The following RELCH variants were observed in gnomAD, a reference collection of about 807,000 sequenced individuals.
RELCH encodes RAB11 binding and LisH domain, coiled-coil and HEAT repeat containing, also known as RAB11-binding protein RELCH.
In RELCH, 41 loss-of-function variants were observed where a neutral mutation model predicts 150.3. The ratio of observed to expected loss-of-function variants is 0.27; its 90% CI spans 0.21 to 0.35. RELCH has a LOEUF of 0.35. Among genes scored for constraint, RELCH ranks in the 10% least tolerant of loss-of-function variants. The pLI is 1.00. For synonymous variants in RELCH, 478 were observed against 531.8 expected (o/e 0.90, Z 1.39); for missense variants, 1,092 against 1,467.8 (o/e 0.74, Z 4.18).
At chr18:62,245,186 T>G (rs928272620) in intron 11 of RELCH, among the ~76,000 whole-genome samples, 5 of 152,242 alleles carry the variant, frequency 3.3e-5, no homozygotes, top group African/African-American at 1.2e-4. Context: ...ATTTACCTTA[T>G]GCATAATAAA....
chr18:62,220,741 C>T (rs529476419), intron 2 of RELCH: 2 of 340,836 alleles, frequency 5.9e-6, no homozygotes, highest in South Asian at 6.7e-5. Context: ...TTTTATTTAT[C>T]TAAATGAGAG....
chr18:62,269,365 A>ATGCTTAGG (rs1338762938), intron 20 of RELCH: 1 of 415,748 alleles, frequency 2.4e-6, no homozygotes, highest in Non-Finnish European at 4.7e-6. Context: ...CTTATCTCAA[A>ATGCTTAGG]TGCTTAGGAT....
rs567809350 is a variant in RELCH at position 62,306,115 on chromosome 18, A to T, written c.*581A>T. Reference sequence around the variant, plus strand: ...TTCTTTAGGATGCTGTGATGATTTGAATTACAAATCCTACAGTCAATAGCT... The same window carrying T: ...TTCTTTAGGATGCTGTGATGATTTGTATTACAAATCCTACAGTCAATAGCT... On this transcript the variant is annotated 3_prime_UTR_variant, in exon 29 of 29. Coordinates refer to ENST00000644646, the MANE Select transcript of RELCH (RefSeq NM_001346231.2). 6.5e-6 allele frequency: 1 copy of T among 152,714 alleles called. No individual in the cohort carries two copies. Among genetic ancestry groups the T allele is most frequent in the East Asian group, 1.9e-4 (1 of 5,186 alleles). 9.5% of individuals were successfully genotyped at this position (152,714 alleles called of 1,614,324 possible).
intron 5 of RELCH, among the ~76,000 whole-genome samples, chr18:62,223,406 G>T (rs72947284): frequency 0.16 from 24,703 of 151,892 alleles, 2,693 homozygotes; most frequent in Middle Eastern, 0.28. Flanking sequence ...TAGATTATTT[G>T]AAGGGCTTTA....
At chr18:62,294,681 TAGTC>T (rs1221724226) in intron 27 of RELCH, among the ~76,000 whole-genome samples, 8 of 152,258 alleles carry the variant, frequency 5.3e-5, no homozygotes, top group African/African-American at 1.2e-4. Flanking sequence ...AATTTTTTAA[TAGTC>T]AGATTTATTG....
rs1264315379 is a variant in RELCH, at chr18:62,227,681, A to T, written c.1146A>T (p.Arg382Ser). ...GGTCATTGATGGAGCAAATCAGAAG[A>T]CTTAAAAGGTTAGTACTTGATCATT... Reference protein sequence around the residue: ...EKWSLMEQIRRLKSEMDFLKN... With the variant: ...EKWSLMEQIRSLKSEMDFLKN... The change falls in exon 7 of 29, where the codon AGA becomes AGT. Residue 382 changes from arginine (R) to serine (S), a missense_variant. Coordinates refer to ENST00000644646, the MANE Select transcript of RELCH (RefSeq NM_001346231.2). The T allele has an allele frequency of 3.3e-6, 5 of 1,510,076 alleles. No individual in the cohort carries two copies. Among genetic ancestry groups the T allele is most frequent in the Non-Finnish European group, 4.6e-6 (5 of 1,097,172 alleles). The allele number at this position is 1,510,076 out of a possible 1,614,324, so 93.5% of individuals were successfully genotyped here.
At chr18:62,230,088 A>T (rs1360065788) in intron 8 of RELCH, among the ~76,000 whole-genome samples, 1 of 152,066 alleles carries the variant, frequency 6.6e-6, no homozygotes, top group African/African-American at 2.4e-5. Context: ...ATATTCAGAC[A>T]TTGGTAATGG....
At position 62,252,703 on chromosome 18, in the gene RELCH, T is replaced by C. The variant is rs1252361672; in HGVS notation, c.1773T>C (p.His591=). The C allele has an allele frequency of 1.9e-6, 3 of 1,613,990 alleles. No individual in the cohort carries two copies. The highest frequency in any genetic ancestry group is 1.1e-5 in the South Asian group (1 of 91,092). ...ILTGCVAFAR[H]VGPTRVEAEL... Reference sequence around the variant, plus strand: ...CAGGTTGTGTGGCATTTGCGCGTCATGTTGGACCAACACGTGTAGAAGCTG... The same window carrying C: ...CAGGTTGTGTGGCATTTGCGCGTCACGTTGGACCAACACGTGTAGAAGCTG... Residue 591 remains histidine, a synonymous_variant, in exon 12 of 29, where the codon CAT becomes CAC. Transcript: ENST00000644646.
intron 10 of RELCH, among the ~76,000 whole-genome samples, chr18:62,239,672 T>C (rs1369098918): frequency 6.6e-6 from 1 of 152,062 alleles, no homozygotes; most frequent in Admixed American, 6.6e-5. Flanking sequence ...TTCCGGTCTG[T>C]CCCCTGTAGG....
At chr18:62,189,550 T>C (rs1004985407) in intron 1 of RELCH, among the ~76,000 whole-genome samples, 1 of 152,254 alleles carries the variant, frequency 6.6e-6, no homozygotes, top group African/African-American at 2.4e-5. Context: ...TCCCTGGCTG[T>C]TGATGAACAT....
intron 1 of RELCH, among the ~76,000 whole-genome samples, chr18:62,206,593 A>C (rs1203261522): frequency 6.6e-6 from 1 of 152,244 alleles, no homozygotes; most frequent in African/African-American, 2.4e-5. Flanking sequence ...CCTTAGATCA[A>C]TATGTATACT....
intron 2 of RELCH, among the ~76,000 whole-genome samples, chr18:62,217,573 G>A (rs1290430837): frequency 1.3e-5 from 2 of 151,962 alleles, no homozygotes; most frequent in Non-Finnish European, 2.9e-5. Flanking sequence ...TTGAAAGGAA[G>A]ATGATGAAAT....
intron 2 of RELCH, among the ~76,000 whole-genome samples, chr18:62,217,837 G>A (rs966160261): frequency 8.5e-5 from 13 of 152,066 alleles, no homozygotes; most frequent in Non-Finnish European, 1.6e-4. Context: ...AAGAACAATA[G>A]TGGGAAGAAT....
intron 28 of RELCH, among the ~76,000 whole-genome samples, chr18:62,304,042 C>T (rs1014200507): frequency 1.3e-5 from 2 of 152,126 alleles, no homozygotes; most frequent in Non-Finnish European, 2.9e-5. Context: ...ATTAAATTCA[C>T]TGTTAGAAAG....
At chr18:62,301,039 C>T (rs1415128123) in intron 28 of RELCH, 1 of 152,122 alleles carries the variant, frequency 6.6e-6, no homozygotes, top group African/African-American at 2.4e-5. Flanking sequence ...AAGATAAACA[C>T]TAAAACAATG....
rs1453230928 is a variant in RELCH at position 62,264,729 on chromosome 18, G to A, written c.2508G>A (p.Leu836=). The A allele has an allele frequency of 6.3e-7, 1 of 1,583,478 alleles. No homozygotes were observed. The change falls in exon 18 of 29, where the codon TTG becomes TTA. Residue 836 remains leucine (L), a splice_region_variant and synonymous_variant. Coordinates refer to ENST00000644646, the MANE Select transcript of RELCH (RefSeq NM_001346231.2). ...WESLLWVVNQ[L]LPQLIEIVGK... is the part of the protein sequence containing the mutation. ...TATTTTTCTTTCCTTTCATATTCAG[G>A]TTGCCACAACTTATAGAAATAGTTG...
intron 1 of RELCH, among the ~76,000 whole-genome samples, chr18:62,200,832 T>C (rs17069572): frequency 0.089 from 13,542 of 152,004 alleles, 690 homozygotes; most frequent in Middle Eastern, 0.17. Context: ...ATGAATTTTA[T>C]ATTATTTCCA....
Position 62,188,012 on chromosome 18 carries a change from G to T in RELCH, c.507G>T (p.Ala169=), listed in dbSNP as rs775001824. The T allele has an allele frequency of 3.2e-6, 5 of 1,581,710 alleles. No homozygotes were observed. The African/African-American group carries it at 5.4e-5, about 17-fold the overall frequency. ...CTGGAGGTCGGGAACCGAGTACAGCGTCGGGCGGGGGACAGCTCAGTAAGT... is the reference window on the plus strand; with the variant it reads ...CTGGAGGTCGGGAACCGAGTACAGCTTCGGGCGGGGGACAGCTCAGTAAGT... ...GGAGGREPST[A]SGGGQLNRAG... The change falls in exon 1 of 29, where the codon GCG becomes GCT. Residue 169 remains alanine (A), a synonymous_variant. Transcript: ENST00000644646.
chr18:62,189,261 T>TG lies in RELCH; in HGVS notation c.526+1230_526+1231insG, dbSNP rs1390308211. Among the ~76,000 whole-genome samples the TG allele has an allele frequency of 2.2e-4, 31 of 139,582 alleles. No individual in the cohort carries two copies. In the East Asian group the frequency reaches 4.5e-3, roughly 20 times the overall value. 91.6% of individuals were successfully genotyped at this position (139,582 alleles called of 152,430 possible). The stretch of plus-strand genomic sequence containing the variant: ...TGTGTGGTGGTGGGTCTTTTTTTGT[T>TG]TTTTTTTTTTGTTGTTTTTTTTTTT... On this transcript the variant is annotated intron_variant, in intron 1 of 28. Coordinates refer to ENST00000644646, the MANE Select transcript of RELCH (RefSeq NM_001346231.2).
Sources: gnomAD v4.1 joint callset for allele counts (sites outside exome capture counted in the v4.1 genomes callset) on GRCh38, gnomAD v4.1.1 for gene constraint, MANE v1.5 for transcripts, NCBI Gene and HGNC (gene_info 2026-07-23, HGNC 2026-07-21) for gene names.